The following RANBP2 variants were observed in gnomAD, a reference collection of about 807,000 sequenced individuals.
RANBP2 encodes the protein RAN binding protein 2, also known as E3 SUMO-protein ligase RanBP2.
Under a neutral mutation model 303.6 loss-of-function variants are expected in RANBP2, and 57 were observed. That is an observed-to-expected ratio of 0.19 (90% CI 0.15 to 0.23). The LOEUF (loss-of-function observed/expected upper bound fraction) is 0.23, where lower values mean the gene tolerates loss of function less well. RANBP2 is among the 10% of genes least tolerant of loss of function. The pLI is 1.00. For synonymous variants in RANBP2, 1,167 were observed against 1,301.5 expected (o/e 0.90, Z 2.23); for missense variants, 3,138 against 3,780.8 (o/e 0.83, Z 4.46).
the RANBP2 span, among the ~76,000 whole-genome samples, chr2:109,121,090 C>CAA: frequency 5.3e-5 from 8 of 151,732 alleles, no homozygotes; most frequent in Non-Finnish European, 1.0e-4. Flanking sequence ...ACTAAAAATA[C>CAA]AAAAAAAATT....
the RANBP2 span, among the ~76,000 whole-genome samples, chr2:108,885,656 CT>C: frequency 3.3e-5 from 5 of 152,170 alleles, no homozygotes; most frequent in Admixed American, 6.5e-5. Flanking sequence ...TACAATACAT[CT>C]TTGTTAAGTA....
Position 108,719,655 on chromosome 2 carries a change from G to A in RANBP2, c.49G>A (p.Gly17Ser), listed in dbSNP as rs1297748372. ...DVERYIASVQGSTPSPRQKSM... is the reference protein window; with the variant it reads ...DVERYIASVQSSTPSPRQKSM... ...GGAGCGGTACATCGCCTCGGTGCAG[G>A]GCTCCACCCCGTCGCCTCGACAGGT... The change falls in exon 1 of 29, where the codon GGC becomes AGC. Residue 17 changes from glycine to serine, a missense_variant. By Grantham distance (56) the Gly-to-Ser change is moderately conservative (BLOSUM62 0). Coordinates refer to ENST00000283195, the MANE Select transcript of RANBP2 (RefSeq NM_006267.5). 4 of 1,607,168 alleles carry A rather than the reference G, an allele frequency of 2.5e-6. No homozygotes were observed. Among genetic ancestry groups the A allele is most frequent in the African/African-American group, 2.7e-5 (2 of 74,808 alleles).
At chr2:109,443,682 A>T in the RANBP2 span, among the ~76,000 whole-genome samples, 3 of 152,220 alleles carry the variant, frequency 2.0e-5, no homozygotes, top group Non-Finnish European at 2.9e-5. Context: ...TAAAGGGGTC[A>T]GTTCATTTAG....
At chr2:109,343,666 G>T in the RANBP2 span, among the ~76,000 whole-genome samples, 1 of 151,896 alleles carries the variant, frequency 6.6e-6, no homozygotes. Context: ...CAGCAGGTGG[G>T]TTACCACCTG....
rs1338779077 is a variant in RANBP2, at chr2:108,763,703, C to T, written c.3164C>T (p.Pro1055Leu). 3.7e-5 allele frequency: 59 copies of T among 1,613,922 alleles called. No homozygotes were observed. The highest frequency in any genetic ancestry group is 4.9e-5 in the Non-Finnish European group (58 of 1,179,984). ...TCCTCACCACAGGTTGTGACACAGC[C>T]CCCTCCTGCAGCTTACAGTAACAGT... ...TFSSPQVVTQ[P>L]PPAAYSNSES... The change falls in exon 20 of 29, where the codon CCC (proline) becomes CTC (leucine). Residue 1055 changes from proline to leucine, a missense_variant. Pro to Leu is a moderately conservative substitution (Grantham distance 98). Around this residue, in one of 20 missense-constraint regions of RANBP2, gnomAD observed 403 missense variants for 376.7 expected, o/e 1.07. Coordinates refer to ENST00000283195, the MANE Select transcript of RANBP2 (RefSeq NM_006267.5).
At chr2:109,598,785 C>T in the RANBP2 span, among the ~76,000 whole-genome samples, 8 of 151,974 alleles carry the variant, frequency 5.3e-5, no homozygotes, top group African/African-American at 1.7e-4. Context: ...TACCAGGAGG[C>T]AGGAGAACTG....
the RANBP2 span, among the ~76,000 whole-genome samples, chr2:109,194,600 G>A: frequency 6.6e-6 from 1 of 152,186 alleles, no homozygotes; most frequent in Non-Finnish European, 1.5e-5. Flanking sequence ...GGGAGGGCAG[G>A]CACATATGCA....
At chr2:109,647,868 C>T in the RANBP2 span, among the ~76,000 whole-genome samples, 1 of 152,152 alleles carries the variant, frequency 6.6e-6, no homozygotes, top group Admixed American at 6.6e-5. Flanking sequence ...CTGGTCTGAC[C>T]AAGAATTTGA....
the RANBP2 span, among the ~76,000 whole-genome samples, chr2:109,413,564 C>T: frequency 6.6e-6 from 1 of 152,190 alleles, no homozygotes; most frequent in Non-Finnish European, 1.5e-5. Flanking sequence ...GTCTGTCTCT[C>T]CCGCTCTAGA....
At chr2:108,819,379 G>C in the RANBP2 span, among the ~76,000 whole-genome samples, 49 of 152,118 alleles carry the variant, frequency 3.2e-4, no homozygotes. Flanking sequence ...CAATATTTTG[G>C]CTTATCCAAA....
the RANBP2 span, among the ~76,000 whole-genome samples, chr2:108,978,116 C>A: frequency 2.7e-4 from 41 of 152,282 alleles, no homozygotes; most frequent in Middle Eastern, 3.4e-3. Flanking sequence ...AGCAAAGGGC[C>A]CCAGAGGGCA....
the RANBP2 span, among the ~76,000 whole-genome samples, chr2:109,427,850 A>G: frequency 6.6e-6 from 1 of 152,232 alleles, no homozygotes; most frequent in East Asian, 1.9e-4. Flanking sequence ...CCCTCAGGGA[A>G]GAGGCGAAGG....
chr2:109,054,275 A>G, the RANBP2 span, among the ~76,000 whole-genome samples: 1 of 152,184 alleles, frequency 6.6e-6, no homozygotes, highest in African/African-American at 2.4e-5. Context: ...GAGGAGCTTC[A>G]AAAGGAAAGA....
chr2:109,674,053 A>G, the RANBP2 span, among the ~76,000 whole-genome samples: 2 of 152,002 alleles, frequency 1.3e-5, no homozygotes, highest in African/African-American at 4.8e-5. Context: ...ATTTATTTCT[A>G]CTGGGTAGGT....
the RANBP2 span, among the ~76,000 whole-genome samples, chr2:109,457,176 A>C: frequency 6.6e-6 from 1 of 152,252 alleles, no homozygotes; most frequent in Admixed American, 6.5e-5. Flanking sequence ...TGACGAATGC[A>C]TAACATAGTA....
chr2:109,161,737 C>G, the RANBP2 span, among the ~76,000 whole-genome samples: 1 of 151,924 alleles, frequency 6.6e-6, no homozygotes, highest in Non-Finnish European at 1.5e-5. Flanking sequence ...CTTTTTGTAA[C>G]AACCAGCTCT....
chr2:108,966,097 T>C, the RANBP2 span, among the ~76,000 whole-genome samples: 1 of 152,178 alleles, frequency 6.6e-6, no homozygotes, highest in African/African-American at 2.4e-5. Flanking sequence ...GCCTTGGAGT[T>C]CTGTTAAGAA....
At chr2:109,121,605 G>C in the RANBP2 span, among the ~76,000 whole-genome samples, 1 of 152,166 alleles carries the variant, frequency 6.6e-6, no homozygotes, top group Non-Finnish European at 1.5e-5. Flanking sequence ...GTTCTGAGCA[G>C]CTCAGTGACT....
At chr2:109,148,530 T>C in the RANBP2 span, among the ~76,000 whole-genome samples, 1 of 152,248 alleles carries the variant, frequency 6.6e-6, no homozygotes, top group Non-Finnish European at 1.5e-5. Flanking sequence ...TAATTGGCTC[T>C]GGGGAATATT....
Sources: allele counts gnomAD v4.1 joint callset (sites outside exome capture counted in the v4.1 genomes callset), GRCh38; gene constraint gnomAD v4.1.1; regional missense constraint gnomAD v4.1.1; transcripts MANE v1.5; gene names NCBI Gene and HGNC (gene_info 2026-07-23, HGNC 2026-07-21).